KIAA0319: variants seen among roughly 807,000 people sequenced by gnomAD.
KIAA0319 encodes the protein dyslexia-associated protein KIAA0319.
A neutral mutation model predicts 108.4 loss-of-function variants in KIAA0319; 83 were observed. The ratio of observed to expected loss-of-function variants is 0.77; its 90% CI spans 0.64 to 0.92. The LOEUF is 0.92. Ranked by LOEUF, KIAA0319 falls within the 40% of genes least tolerant of loss-of-function variation. The pLI is 0.00. For missense variants in KIAA0319, 1,195 were observed against 1,322.4 expected (o/e 0.90, Z 1.49); for synonymous variants, 484 against 510.4 (o/e 0.95, Z 0.70).
At chr6:24,585,530 T>C (rs976364075) in intron 4 of KIAA0319, among the ~76,000 whole-genome samples, 8 of 151,952 alleles carry the variant, frequency 5.3e-5, no homozygotes. Flanking sequence ...CAAATGCATA[T>C]CTAATTGTTT....
chr6:24,609,286 A>AG (rs1442529616), intron 1 of KIAA0319, among the ~76,000 whole-genome samples: 2 of 150,380 alleles, frequency 1.3e-5, no homozygotes, highest in Non-Finnish European at 3.0e-5. Flanking sequence ...AAAAAAAAAA[A>AG]AAAGAAAAAA....
intron 2 of KIAA0319, among the ~76,000 whole-genome samples, 190 bp from the exon 3 acceptor site, chr6:24,596,808 C>T (rs1769687212): frequency 6.6e-6 from 1 of 152,190 alleles, no homozygotes; most frequent in African/African-American, 2.4e-5. Context: ...ATCCTCCTAC[C>T]TTCCCACCCA....
At chr6:24,542,876 G>A (rs938394161), downstream of KIAA0319, among the ~76,000 whole-genome samples, 39 of 152,202 alleles carry the variant, frequency 2.6e-4, no homozygotes, top group African/African-American at 7.7e-4. Flanking sequence ...GGACTCAGAT[G>A]TATCAACCAA....
rs1311685189 is a variant in KIAA0319, at chr6:24,546,520, T to G, written c.*645A>C. The stretch of plus-strand genomic sequence containing the variant: ...CCTCCCCTTTCTATTGCCTCAGTCC[T>G]TAGAATACGATTCTTCCTTAGCTCT... On this transcript the variant is annotated 3_prime_UTR_variant, in exon 21 of 21. Coordinates refer to ENST00000378214, the MANE Select transcript of KIAA0319 (RefSeq NM_014809.4). 3 of 152,214 alleles carry G rather than the reference T, an allele frequency of 2.0e-5. No individual in the cohort carries two copies. The highest frequency in any genetic ancestry group is 7.2e-5 in the African/African-American group (3 of 41,454). 9.4% of individuals were successfully genotyped at this position (152,214 alleles called of 1,614,324 possible). A position where few individuals can be genotyped will look rare whatever the true frequency, so the allele number is the denominator to read the frequency against.
intron 12 of KIAA0319, among the ~76,000 whole-genome samples, chr6:24,569,313 C>T (rs1248224844): frequency 1.3e-5 from 2 of 152,078 alleles, no homozygotes; most frequent in East Asian, 3.9e-4. Flanking sequence ...CAGATAAGCC[C>T]TCTCCTAGGA....
chr6:24,548,164 G>T (rs1760906849), intron 20 of KIAA0319, among the ~76,000 whole-genome samples: 1 of 152,190 alleles, frequency 6.6e-6, no homozygotes, highest in Non-Finnish European at 1.5e-5. Flanking sequence ...GGTTGCTTCA[G>T]TAATGTTTCC....
At chr6:24,595,604 C>T (rs907166541) in intron 3 of KIAA0319, among the ~76,000 whole-genome samples, 3 of 146,464 alleles carry the variant, frequency 2.0e-5, no homozygotes, top group Non-Finnish European at 4.5e-5. Context: ...AGTGCTAAGT[C>T]GTTATGAGCT....
Position 24,576,362 on chromosome 6 carries a change from A to G in KIAA0319, c.1734+6T>C, listed in dbSNP as rs759308674. On this transcript the variant is annotated splice_donor_region_variant and intron_variant, in intron 10 of 20. Transcript: ENST00000378214. ...CAAAAGTCTGAAGGCAGGATGGAGA[A>G]CTTGCCTGCATGACCACATGTTTGC... 6.9e-5 allele frequency: 111 copies of G among 1,610,072 alleles called. No individual in the cohort carries two copies. Among genetic ancestry groups the G allele is most frequent in the Middle Eastern group, 3.3e-4 (2 of 6,056 alleles).
intron 1 of KIAA0319, among the ~76,000 whole-genome samples, chr6:24,615,797 A>T (rs1773068410): frequency 6.6e-6 from 1 of 152,186 alleles, no homozygotes; most frequent in African/African-American, 2.4e-5. Context: ...TCTCTTTTGC[A>T]TCTTACTATG....
At position 24,581,890 on chromosome 6, in the gene KIAA0319, T is replaced by A. The variant is rs1452507890; in HGVS notation, c.1191+359A>T. 5.3e-5 allele frequency among the ~76,000 whole-genome samples: 8 copies of A among 152,192 alleles called. No homozygotes were observed. The South Asian group carries it at 1.7e-3, about 32-fold the overall frequency. ...TGGGCGTGGTGGCTCATGCCTGTAA[T>A]CCCAACACTTTGGGAGGCCAAGGAG... On this transcript the variant is annotated intron_variant, in intron 6 of 20. Transcript: ENST00000378214.
chr6:24,562,849 A>G (rs1167546235), intron 16 of KIAA0319, among the ~76,000 whole-genome samples: 1 of 152,156 alleles, frequency 6.6e-6, no homozygotes, highest in Non-Finnish European at 1.5e-5. Flanking sequence ...AAAAAATAAA[A>G]ATAAAATAAA....
chr6:24,570,984 G>A (rs1764644258), intron 11 of KIAA0319, among the ~76,000 whole-genome samples: 1 of 152,136 alleles, frequency 6.6e-6, no homozygotes, highest in African/African-American at 2.4e-5. Context: ...GAGGCCAGGA[G>A]TTCAAGACCA....
rs779541360 is a variant in KIAA0319, at chr6:24,566,620, C to T, written c.2269G>A (p.Asp757Asn). 8 of 1,612,036 alleles carry T rather than the reference C, an allele frequency of 5.0e-6. No homozygotes were observed. Among genetic ancestry groups the T allele is most frequent in the Admixed American group, 1.7e-5 (1 of 59,614 alleles). ...ACTCCAGCTGCTGGACTCTGGCCATCCCGGATCCACAGATAGGACACAATT... is the reference window on the plus strand; with the variant it reads ...ACTCCAGCTGCTGGACTCTGGCCATTCCGGATCCACAGATAGGACACAATT... The part of the protein sequence containing the change: ...QRIVSYLWIR[D>N]GQSPAAGDVI... The change falls in exon 14 of 21, where the codon GAT (aspartate) becomes AAT (asparagine). Residue 757 changes from aspartate to asparagine, a missense_variant. By Grantham distance (23) the Asp-to-Asn change is conservative. Coordinates refer to ENST00000378214, the MANE Select transcript of KIAA0319 (RefSeq NM_014809.4).
At chr6:24,598,260 T>C in intron 2 of KIAA0319, 1 of 617,356 alleles carries the variant, frequency 1.6e-6, no homozygotes. Context: ...TGAGCCCCCT[T>C]AAGCTGGAGG....
At chr6:24,618,038 C>T (rs1027696045) in intron 1 of KIAA0319, among the ~76,000 whole-genome samples, 8 of 151,856 alleles carry the variant, frequency 5.3e-5, no homozygotes, top group African/African-American at 1.7e-4. Context: ...AATAGAACCT[C>T]GTTCATGAAG....
At chr6:24,638,759 C>CAA (rs70974924) in intron 1 of KIAA0319, among the ~76,000 whole-genome samples, 1 of 140,632 alleles carries the variant, frequency 7.1e-6, no homozygotes, top group East Asian at 2.0e-4. Flanking sequence ...GACTCCGTCT[C>CAA]AAAAAAAAAA....
chr6:24,609,342 C>A (rs1195747957), intron 1 of KIAA0319, among the ~76,000 whole-genome samples: 2 of 149,460 alleles, frequency 1.3e-5, no homozygotes, highest in African/African-American at 2.5e-5. Flanking sequence ...ACTTTGGGAG[C>A]CCGAGGCAGG....
At chr6:24,605,864 G>T (rs13195150) in intron 1 of KIAA0319, among the ~76,000 whole-genome samples, 1 of 151,602 alleles carries the variant, frequency 6.6e-6, no homozygotes, top group Non-Finnish European at 1.5e-5. Context: ...CATTTTTATA[G>T]AAGACAGTTA....
At chr6:24,612,802 G>T (rs972880889) in intron 1 of KIAA0319, among the ~76,000 whole-genome samples, 46 of 148,426 alleles carry the variant, frequency 3.1e-4, no homozygotes, top group Non-Finnish European at 3.8e-4. Context: ...GAATTTTTTT[G>T]TTGTTGTTGT....
Sources: gnomAD v4.1 joint callset for allele counts (sites outside exome capture counted in the v4.1 genomes callset) on GRCh38, gnomAD v4.1.1 for gene constraint, MANE v1.5 for transcripts, NCBI Gene and HGNC (gene_info 2026-07-23, HGNC 2026-07-21) for gene names.